DACH2: variants seen among roughly 807,000 people sequenced by gnomAD.
DACH2 encodes dachshund homolog 2.
DACH2 carries 17 observed loss-of-function variants against 35.8 expected under a neutral mutation model. The observed-to-expected ratio is 0.48, with a 90% CI of 0.33 to 0.71. The LOEUF is 0.71. DACH2 is among the 30% of genes least tolerant of loss of function. The pLI, the probability that DACH2 is intolerant of heterozygous loss-of-function variation, is 0.02. For missense variants in DACH2, 469 were observed against 472.7 expected, an observed-to-expected ratio of 0.99 and a Z score of 0.07; for synonymous variants, 195 against 177.3, an observed-to-expected ratio of 1.10 and a Z score of -0.79.
intron 2 of DACH2, among the ~76,000 whole-genome samples, chrX:86,434,512 T>C (rs746508596): frequency 2.0e-4 from 22 of 112,108 alleles, no homozygotes; most frequent in Non-Finnish European, 3.8e-4. Flanking sequence ...TATTTTTTAA[T>C]ACAAGTAAAA....
chrX:86,376,685 A>T (rs1268379984), intron 1 of DACH2, 139 bp from the exon 2 acceptor site: 2 of 808,174 alleles, frequency 2.5e-6, no homozygotes, highest in Non-Finnish European at 3.4e-6. Flanking sequence ...CATTGTGTGT[A>T]ACCTATCTAA....
rs144296812 is a variant in DACH2 at position 86,386,463 on chromosome X, A to T, written c.527+9601A>T. Reference sequence around the variant, plus strand: ...TTTTTTTTCTTTCTTTCTATATTATACTCTTTAGCAGTCTTTGGAAAGCAC... The same window carrying T: ...TTTTTTTTCTTTCTTTCTATATTATTCTCTTTAGCAGTCTTTGGAAAGCAC... On this transcript the variant is annotated intron_variant, in intron 2 of 11. Coordinates refer to ENST00000373125, the MANE Select transcript of DACH2 (RefSeq NM_053281.3). 7.8e-3 allele frequency among the ~76,000 whole-genome samples: 841 copies of T among 107,585 alleles called. 10 individuals are homozygous for T. The highest frequency in any genetic ancestry group is 0.028 in the African/African-American group (818 of 29,448). The allele number at this position is 107,585 out of a possible 115,157, so 93.4% of individuals were successfully genotyped here.
chrX:86,458,522 T>G (rs1318370450), intron 2 of DACH2, among the ~76,000 whole-genome samples: 1 of 111,555 alleles, frequency 9.0e-6, no homozygotes, highest in Non-Finnish European at 1.9e-5. Context: ...TTATCCATAA[T>G]GGGACTTAAT....
intron 1 of DACH2, among the ~76,000 whole-genome samples, chrX:86,292,934 T>C (rs2034340703): frequency 9.8e-6 from 1 of 102,279 alleles, no homozygotes; most frequent in African/African-American, 3.7e-5. Flanking sequence ...TGTAGATGTC[T>C]ATTAGGTCCG....
chrX:86,677,039 A>G (rs115352896), intron 4 of DACH2, among the ~76,000 whole-genome samples: 6,715 of 111,709 alleles, frequency 0.06, 488 homozygotes, highest in African/African-American at 0.21. Flanking sequence ...AAAAAATATC[A>G]ACGGAGATAC....
chrX:86,575,393 T>C (rs1235870918), intron 3 of DACH2, among the ~76,000 whole-genome samples: 1 of 111,100 alleles, frequency 9.0e-6, no homozygotes, highest in East Asian at 2.9e-4. Context: ...ATGATTTCAA[T>C]AAAAGTTGGC....
At chrX:86,541,857 T>G (rs2038888197) in intron 3 of DACH2, among the ~76,000 whole-genome samples, 1 of 111,225 alleles carries the variant, frequency 9.0e-6, no homozygotes, top group Middle Eastern at 4.3e-3. Context: ...GCCATAAATG[T>G]TTTTCACGAG....
At chrX:86,507,067 G>T (rs1456097291) in intron 2 of DACH2, among the ~76,000 whole-genome samples, 1 of 111,879 alleles carries the variant, frequency 8.9e-6, no homozygotes, top group African/African-American at 3.2e-5. Flanking sequence ...GTTTAAGTCA[G>T]CAAGGAAACT....
At position 86,287,157 on chromosome X, in the gene DACH2, AT is replaced by A. The variant is rs779690326; in HGVS notation, c.489-89665del. ...CAAGGATATTTTTGCCAGATATGCT[AT>A]TCTAGGGTAAATATATTTTTTTCCT... is the stretch of plus-strand genomic sequence containing the variant. On this transcript the variant is annotated intron_variant, in intron 1 of 11. Transcript: ENST00000373125. Among the ~76,000 whole-genome samples, 12 of 81,777 alleles carry A rather than the reference AT, an allele frequency of 1.5e-4. No individual in the cohort carries two copies. The East Asian group carries it at 5.0e-3, about 34-fold the overall frequency. 71.0% of individuals were successfully genotyped at this position (81,777 alleles called of 115,157 possible). A position where few individuals can be genotyped will look rare whatever the true frequency, so the allele number is the denominator to read the frequency against.
intron 4 of DACH2, among the ~76,000 whole-genome samples, chrX:86,656,039 C>A (rs867552014): frequency 7.0e-5 from 7 of 100,650 alleles, no homozygotes; most frequent in East Asian, 3.2e-4. Context: ...TCCCCCCCCC[C>A]ACTAATCTGT....
intron 2 of DACH2, among the ~76,000 whole-genome samples, chrX:86,382,968 G>A (rs1318388763): frequency 9.0e-6 from 1 of 110,539 alleles, no homozygotes; most frequent in Non-Finnish European, 1.9e-5. Context: ...TTGCCATCCT[G>A]TTTTTAGTTT....
chrX:86,294,964 T>C lies in DACH2; in HGVS notation c.489-81860T>C, dbSNP rs1291902191. Among the ~76,000 whole-genome samples the C allele has an allele frequency of 3.8e-4, 43 of 112,152 alleles. 1 individual carries two copies. The highest frequency in any genetic ancestry group is 1.2e-3 in the Admixed American group (13 of 10,671). ...TGGGCTCCACCCAGTTCGAGCTTCCTGGCTGCTTTGTTTACCTAAGCAAGC... is the reference window on the plus strand; with the variant it reads ...TGGGCTCCACCCAGTTCGAGCTTCCCGGCTGCTTTGTTTACCTAAGCAAGC... On this transcript the variant is annotated intron_variant, in intron 1 of 11. Transcript: ENST00000373125.
chrX:86,693,176 G>T (rs1463409135), intron 4 of DACH2, among the ~76,000 whole-genome samples: 1 of 112,035 alleles, frequency 8.9e-6, no homozygotes, highest in Non-Finnish European at 1.9e-5. Flanking sequence ...ATGATCAAGG[G>T]AATGATTTCT....
At chrX:86,795,086 T>C (rs1056225824) in intron 7 of DACH2, among the ~76,000 whole-genome samples, 3 of 111,190 alleles carry the variant, frequency 2.7e-5, no homozygotes, top group African/African-American at 9.8e-5. Flanking sequence ...AAATGTCTAA[T>C]GGGAAATGAA....
chrX:86,332,881 G>A, intron 1 of DACH2, among the ~76,000 whole-genome samples: 1 of 111,706 alleles, frequency 9.0e-6, no homozygotes, highest in East Asian at 2.8e-4. Flanking sequence ...AAAATACATT[G>A]AGGATAATAA....
chrX:86,357,272 A>G (rs2035658799), intron 1 of DACH2, among the ~76,000 whole-genome samples: 1 of 112,620 alleles, frequency 8.9e-6, no homozygotes, highest in African/African-American at 3.2e-5. Context: ...TTTTTAATAA[A>G]TAAACTTGTA....
chrX:86,657,226 A>G (rs772772715), intron 4 of DACH2, among the ~76,000 whole-genome samples: 2 of 110,347 alleles, frequency 1.8e-5, no homozygotes, highest in African/African-American at 3.3e-5. Context: ...ATTTAAATAT[A>G]GCTAAAAGAA....
chrX:86,538,513 T>G (rs753071852), intron 3 of DACH2, among the ~76,000 whole-genome samples: 1 of 111,832 alleles, frequency 8.9e-6, no homozygotes, highest in East Asian at 2.8e-4. Context: ...TATCACAGAC[T>G]TGGTAATTTA....
chrX:86,340,453 T>C (rs2035393940), intron 1 of DACH2, among the ~76,000 whole-genome samples: 1 of 111,431 alleles, frequency 9.0e-6, no homozygotes, highest in South Asian at 3.8e-4. Flanking sequence ...CTGCGTGTTC[T>C]CATCGCTCCA....
Sources: gnomAD v4.1 joint callset for allele counts (sites outside exome capture counted in the v4.1 genomes callset) on GRCh38, gnomAD v4.1.1 for gene constraint, MANE v1.5 for transcripts, NCBI Gene and HGNC (gene_info 2026-07-23, HGNC 2026-07-21) for gene names.